SH3RF2: variants seen among roughly 807,000 people sequenced by gnomAD.
The protein encoded by SH3RF2 is SH3 domain containing ring finger 2.
A neutral mutation model predicts 59.0 loss-of-function variants in SH3RF2; 43 were observed. The observed-to-expected ratio is 0.73, with a 90% CI of 0.57 to 0.94. The LOEUF (loss-of-function observed/expected upper bound fraction) is 0.94, where lower values mean the gene tolerates loss of function less well. Ranked by LOEUF, SH3RF2 falls within the 40% of genes least tolerant of loss-of-function variation. The pLI is 0.00. For synonymous variants in SH3RF2, 391 were observed against 391.5 expected (o/e 1.00, Z 0.01); for missense variants, 930 against 940.1 (o/e 0.99, Z 0.14).
intron 8 of SH3RF2, among the ~76,000 whole-genome samples, chr5:146,058,218 G>A (rs1161322366): frequency 6.6e-6 from 1 of 152,054 alleles, no homozygotes; most frequent in African/African-American, 2.4e-5. Context: ...AAATAGATAA[G>A]GCATAAAGCC....
At chr5:146,001,086 T>A (rs1760389675) in intron 3 of SH3RF2, among the ~76,000 whole-genome samples, 1 of 152,218 alleles carries the variant, frequency 6.6e-6, no homozygotes, top group South Asian at 2.1e-4. Context: ...TTACAAGATA[T>A]ATTTTTCAAA....
At position 146,033,451 on chromosome 5, in the gene SH3RF2, CTTTTTTTTTTTTTTTTTTTT is replaced by C. The variant is rs558717056; in HGVS notation, c.1060-14304_1060-14285del. Among the ~76,000 whole-genome samples the C allele has an allele frequency of 1.6e-3, 113 of 71,868 alleles. 7 individuals carry two copies. The highest frequency in any genetic ancestry group is 0.022 in the Middle Eastern group (2 of 92). The allele number at this position is 71,868 out of a possible 152,430, so 47.1% of individuals were successfully genotyped here. The stretch of plus-strand genomic sequence containing the variant: ...AAAATCTATGAGCACTAGCCCTTAG[CTTTTTTTTTTTTTTTTTTTT>C]TTTTTTTTTTTTTTTTGAGATGGAG... On this transcript the variant is annotated intron_variant, in intron 5 of 9. Transcript: ENST00000359120.
chr5:146,049,316 C>G (rs566224892), intron 7 of SH3RF2, 71 bp downstream of exon 7: 1 of 1,506,576 alleles, frequency 6.6e-7, no homozygotes, highest in East Asian at 2.3e-5. Context: ...GTGGGTTGAA[C>G]TGGTGGAAGA....
chr5:146,033,451 CTTTTTTTTTTTTTTTTTTTTTT>C (rs558717056), intron 5 of SH3RF2, among the ~76,000 whole-genome samples: 2 of 71,854 alleles, frequency 2.8e-5, no homozygotes, highest in African/African-American at 9.6e-5. Context: ...TAGCCCTTAG[CTTTTTTTTTTTTTTTTTTTTTT>C]TTTTTTTTTT....
At chr5:146,069,383 A>AT (rs1285385524) in intron 9 of SH3RF2, among the ~76,000 whole-genome samples, 2 of 152,034 alleles carry the variant, frequency 1.3e-5, no homozygotes, top group South Asian at 4.2e-4. Flanking sequence ...CTTTTAAGTG[A>AT]TTTGGGGGCT....
At chr5:146,060,289 T>G (rs1762842533) in intron 9 of SH3RF2, 65 bp downstream of exon 9, 1 of 1,424,374 alleles carries the variant, frequency 7.0e-7, no homozygotes, top group African/African-American at 1.5e-5. Flanking sequence ...GTGTCTCAGC[T>G]CAGAGATTTT....
Position 146,054,204 on chromosome 5 carries a change from G to A in SH3RF2, c.1323-1777G>A, listed in dbSNP as rs143603354. On this transcript the variant is annotated intron_variant, in intron 7 of 9. Transcript: ENST00000359120. ...CTGCCAAAAGACATAGAGGCACTCA[G>A]TGTTGGATGGGAGACTTGGGATTTA... Among the ~76,000 whole-genome samples the A allele has an allele frequency of 7.0e-3, 1,061 of 152,312 alleles. 5 individuals are homozygous for A. Among genetic ancestry groups the A allele is most frequent in the Middle Eastern group, 0.034 (10 of 294 alleles).
chr5:145,944,299 G>T (rs1425603222), intron 2 of SH3RF2, among the ~76,000 whole-genome samples: 1 of 151,090 alleles, frequency 6.6e-6, no homozygotes, highest in African/African-American at 2.4e-5. Flanking sequence ...GGTCCCAAGG[G>T]ATACTCAACC....
chr5:146,065,486 T>C (rs1378365058), downstream of SH3RF2, among the ~76,000 whole-genome samples: 2 of 152,236 alleles, frequency 1.3e-5, no homozygotes, highest in Non-Finnish European at 1.5e-5. Context: ...ATGTATCCAG[T>C]TAATTTTTAA....
chr5:146,028,507 T>TG (rs1761622016), intron 5 of SH3RF2, among the ~76,000 whole-genome samples: 1 of 152,242 alleles, frequency 6.6e-6, no homozygotes, highest in African/African-American at 2.4e-5. Flanking sequence ...ATTGGCATTT[T>TG]GAGCAAGATC....
intron 5 of SH3RF2, among the ~76,000 whole-genome samples, chr5:146,044,668 C>T (rs550988390): frequency 6.6e-6 from 1 of 152,204 alleles, no homozygotes; most frequent in East Asian, 1.9e-4. Flanking sequence ...CTCCCTCTGT[C>T]CCTCTGCAGC....
downstream of SH3RF2, among the ~76,000 whole-genome samples, chr5:146,067,031 G>C (rs1345553324): frequency 6.6e-6 from 1 of 152,102 alleles, no homozygotes; most frequent in Non-Finnish European, 1.5e-5. Context: ...CTGAGGAAAT[G>C]GTCCCATTGA....
intron 5 of SH3RF2, among the ~76,000 whole-genome samples, chr5:146,037,781 T>C (rs925983317): frequency 1.3e-5 from 2 of 152,338 alleles, no homozygotes; most frequent in African/African-American, 4.8e-5. Context: ...TTAACTATTA[T>C]ATAAATTCTT....
chr5:145,943,807 C>T (rs1474083329), intron 2 of SH3RF2, among the ~76,000 whole-genome samples: 3 of 152,200 alleles, frequency 2.0e-5, no homozygotes, highest in Non-Finnish European at 2.9e-5. Context: ...AGCTCTGAGG[C>T]AATGGGTGGG....
chr5:145,943,150 CA>C (rs2092551595), intron 2 of SH3RF2, among the ~76,000 whole-genome samples: 3 of 150,336 alleles, frequency 2.0e-5, no homozygotes, highest in Non-Finnish European at 4.4e-5. Flanking sequence ...CAGTAAATAA[CA>C]AAAGAGTAAC....
At chr5:145,994,432 T>A (rs1760071370) in intron 2 of SH3RF2, among the ~76,000 whole-genome samples, 2 of 152,202 alleles carry the variant, frequency 1.3e-5, no homozygotes, top group Non-Finnish European at 2.9e-5. Context: ...TTCATGTTAC[T>A]GATAAAGACA....
At chr5:146,001,839 A>T (rs1480212212) in intron 3 of SH3RF2, among the ~76,000 whole-genome samples, 1 of 152,214 alleles carries the variant, frequency 6.6e-6, no homozygotes, top group Non-Finnish European at 1.5e-5. Flanking sequence ...ACCAAAAGAG[A>T]GGATTTGACC....
downstream of SH3RF2, among the ~76,000 whole-genome samples, chr5:146,064,253 T>C (rs956665782): frequency 6.6e-6 from 1 of 151,570 alleles, no homozygotes; most frequent in African/African-American, 2.4e-5. Flanking sequence ...AGACAAGGGG[T>C]GGGGCAACCT....
rs1760375755 is a variant in SH3RF2, at chr5:146,000,753, T to C, written c.648+426T>C. On this transcript the variant is annotated intron_variant, in intron 3 of 9. Coordinates refer to ENST00000359120, the MANE Select transcript of SH3RF2 (RefSeq NM_152550.4). Reference sequence around the variant, plus strand: ...ACTGTCAACAGCTTGAATAACACATTTGATTTATTCATTCTATCACTTTTG... The same window carrying C: ...ACTGTCAACAGCTTGAATAACACATCTGATTTATTCATTCTATCACTTTTG... 3.9e-5 allele frequency among the ~76,000 whole-genome samples: 6 copies of C among 152,318 alleles called. 1 individual carries two copies. In the South Asian group the frequency reaches 1.0e-3, roughly 26 times the overall value.
Sources: gnomAD v4.1 joint callset for allele counts (sites outside exome capture counted in the v4.1 genomes callset) on GRCh38, gnomAD v4.1.1 for gene constraint, MANE v1.5 for transcripts, NCBI Gene and HGNC (gene_info 2026-07-23, HGNC 2026-07-21) for gene names.